The following FAF1 variants were observed in gnomAD, a reference collection of about 807,000 sequenced individuals.
FAF1 encodes the protein Fas associated factor 1.
In FAF1, 25 loss-of-function variants were observed where a neutral mutation model predicts 92.5. The ratio of observed to expected loss-of-function variants is 0.27; its 90% CI spans 0.20 to 0.38. FAF1 has a LOEUF of 0.38. FAF1 is among the 10% of genes least tolerant of loss of function. The pLI, the probability that FAF1 is intolerant of heterozygous loss-of-function variation, is 1.00. For synonymous variants in FAF1, 234 were observed against 273.2 expected, an observed-to-expected ratio of 0.86 and a Z score of 1.42; for missense variants, 636 against 793.3, an observed-to-expected ratio of 0.80 and a Z score of 2.38.
intron 4 of FAF1, among the ~76,000 whole-genome samples, chr1:50,750,366 T>G (rs541987351): frequency 3.9e-5 from 6 of 152,128 alleles, no homozygotes; most frequent in Non-Finnish European, 7.4e-5. Context: ...AAATAAGAAT[T>G]TAAAACATTA....
chr1:50,508,076 A>T (rs1647082642), intron 15 of FAF1, among the ~76,000 whole-genome samples: 1 of 152,246 alleles, frequency 6.6e-6, no homozygotes, highest in Non-Finnish European at 1.5e-5. Flanking sequence ...TGTTTTTTAA[A>T]GGGAAAATAA....
intron 1 of FAF1, among the ~76,000 whole-genome samples, chr1:50,923,505 G>GA (rs1025749881): frequency 1.3e-5 from 2 of 151,938 alleles, no homozygotes; most frequent in East Asian, 1.9e-4. Flanking sequence ...CAAAACTCTT[G>GA]AAAAAAACTA....
Position 50,926,528 on chromosome 1 carries a change from G to A in FAF1, c.45+33239C>T, listed in dbSNP as rs57223383. On this transcript the variant is annotated intron_variant, in intron 1 of 18. Coordinates refer to ENST00000396153, the MANE Select transcript of FAF1 (RefSeq NM_007051.3). ...GTTCTACAGCGCTGTGGGGTGACAT[G>A]GTTAACTATAATTTATTGTATATTT... is the stretch of plus-strand genomic sequence containing the variant. Among the ~76,000 whole-genome samples, 1,503 of 151,976 alleles carry A rather than the reference G, an allele frequency of 9.9e-3. 22 individuals carry two copies. The highest frequency in any genetic ancestry group is 0.034 in the African/African-American group (1,426 of 41,414).
intron 4 of FAF1, among the ~76,000 whole-genome samples, chr1:50,769,550 A>G (rs1660703630): frequency 6.6e-6 from 1 of 152,254 alleles, no homozygotes; most frequent in Non-Finnish European, 1.5e-5. Flanking sequence ...CCTTAACAAA[A>G]TACTAGCAAA....
chr1:50,830,020 C>T (rs1336281353), intron 2 of FAF1, among the ~76,000 whole-genome samples: 1 of 152,212 alleles, frequency 6.6e-6, no homozygotes, highest in Non-Finnish European at 1.5e-5. Flanking sequence ...AAGAGAACTG[C>T]ATCTACATCA....
intron 1 of FAF1, among the ~76,000 whole-genome samples, chr1:50,904,178 T>C (rs528511708): frequency 6.8e-4 from 103 of 152,284 alleles, no homozygotes; most frequent in Non-Finnish European, 9.9e-4. Context: ...AAGAGAGTAT[T>C]ATTCAGCCTT....
At chr1:50,461,881 G>GA (rs11449784) in intron 18 of FAF1, among the ~76,000 whole-genome samples, 20,386 of 112,266 alleles carry the variant, frequency 0.18, 1,900 homozygotes, top group African/African-American at 0.32. Flanking sequence ...CCAAAACACT[G>GA]AAAAAAAAAA....
At chr1:50,615,809 T>C (rs1569586449) in intron 8 of FAF1, among the ~76,000 whole-genome samples, 2 of 152,290 alleles carry the variant, frequency 1.3e-5, no homozygotes, top group South Asian at 4.2e-4. Context: ...CTGTATGTCA[T>C]TTACTCCGTC....
At chr1:50,445,978 T>C (rs1277381223) in intron 18 of FAF1, among the ~76,000 whole-genome samples, 3 of 152,236 alleles carry the variant, frequency 2.0e-5, no homozygotes, top group Non-Finnish European at 2.9e-5. Flanking sequence ...ATACTGTTTC[T>C]ATTACTTCCC....
chr1:50,697,478 T>G (rs1657283325), intron 7 of FAF1, among the ~76,000 whole-genome samples: 1 of 152,142 alleles, frequency 6.6e-6, no homozygotes, highest in Admixed American at 6.5e-5. Context: ...TTCTGATTGA[T>G]CCTATGTCTG....
chr1:50,632,020 A>G (rs1271564490), intron 8 of FAF1, among the ~76,000 whole-genome samples: 1 of 152,218 alleles, frequency 6.6e-6, no homozygotes, highest in Non-Finnish European at 1.5e-5. Flanking sequence ...CATAGTATAT[A>G]CAGAGGTTGG....
At chr1:50,927,163 A>G (rs1645012471) in intron 1 of FAF1, among the ~76,000 whole-genome samples, 1 of 152,176 alleles carries the variant, frequency 6.6e-6, no homozygotes. Flanking sequence ...CGTTCTAGAG[A>G]TGAGTGGTGG....
chr1:50,682,728 T>C (rs941556246), intron 7 of FAF1, among the ~76,000 whole-genome samples: 10 of 152,186 alleles, frequency 6.6e-5, no homozygotes, highest in African/African-American at 2.2e-4. Flanking sequence ...ACAGTAAATA[T>C]GGTATACCGA....
intron 1 of FAF1, among the ~76,000 whole-genome samples, chr1:50,867,135 T>G (rs1644488335): frequency 6.6e-6 from 1 of 152,194 alleles, no homozygotes; most frequent in South Asian, 2.1e-4. Flanking sequence ...GTTAGCCACA[T>G]GCAGAAGAAT....
At position 50,726,339 on chromosome 1, in the gene FAF1, G is replaced by A. The variant is rs1274751062; in HGVS notation, c.551+12524C>T. Among the ~76,000 whole-genome samples, 3 of 152,132 alleles carry A rather than the reference G, an allele frequency of 2.0e-5. No homozygotes were observed. The East Asian group carries it at 5.8e-4, about 29-fold the overall frequency. ...TCAATAGCAAGACTCAATACTACTTGTAAAAGGGACAACTACAAACAATGG... is the reference window on the plus strand; with the variant it reads ...TCAATAGCAAGACTCAATACTACTTATAAAAGGGACAACTACAAACAATGG... On this transcript the variant is annotated intron_variant, in intron 6 of 18. Coordinates refer to ENST00000396153, the MANE Select transcript of FAF1 (RefSeq NM_007051.3).
Position 50,441,542 on chromosome 1 carries a change from C to T in FAF1, c.1870-19G>A. On this transcript the variant is annotated intron_variant, in intron 18 of 18. Coordinates refer to ENST00000396153, the MANE Select transcript of FAF1 (RefSeq NM_007051.3). ...GAGTTACCTAAAAAGATGAAGAACA[C>T]ATATTCAAAAGACTGAAACAAGCAC... is the stretch of plus-strand genomic sequence containing the variant. 1 of 1,451,510 alleles carries T rather than the reference C, an allele frequency of 6.9e-7. No individual in the cohort carries two copies. The highest frequency in any genetic ancestry group is 9.4e-7 in the Non-Finnish European group (1 of 1,061,004). 89.9% of individuals were successfully genotyped at this position (1,451,510 alleles called of 1,614,324 possible). A position where few individuals can be genotyped will look rare whatever the true frequency, so the allele number is the denominator to read the frequency against.
At chr1:50,669,079 C>T (rs1055843880) in intron 7 of FAF1, among the ~76,000 whole-genome samples, 2 of 152,114 alleles carry the variant, frequency 1.3e-5, no homozygotes, top group African/African-American at 4.8e-5. Context: ...TTCTACCTCC[C>T]TTGTTTAATC....
rs191629582 is a variant in FAF1, at chr1:50,868,283, T to G, written c.46-10286A>C. On this transcript the variant is annotated intron_variant, in intron 1 of 18. Coordinates refer to ENST00000396153, the MANE Select transcript of FAF1 (RefSeq NM_007051.3). ...TCTCAGAAATCACCACTAAAGTACT[T>G]ATCATTGTAATCAAACACCACCTGT... is the stretch of plus-strand genomic sequence containing the variant. Among the ~76,000 whole-genome samples, 30 of 152,262 alleles carry G rather than the reference T, an allele frequency of 2.0e-4. No individual in the cohort carries two copies. The East Asian group carries it at 5.2e-3, about 26-fold the overall frequency.
chr1:50,752,425 T>C (rs997588813), intron 4 of FAF1, among the ~76,000 whole-genome samples: 1 of 152,244 alleles, frequency 6.6e-6, no homozygotes, highest in Non-Finnish European at 1.5e-5. Context: ...CATAAGTTTG[T>C]TCTTAATATC....
Sources: allele counts gnomAD v4.1 joint callset (sites outside exome capture counted in the v4.1 genomes callset), GRCh38; gene constraint gnomAD v4.1.1; transcripts MANE v1.5; gene names NCBI Gene and HGNC (gene_info 2026-07-23, HGNC 2026-07-21).